MROH9: variants seen among roughly 807,000 people sequenced by gnomAD.
The protein encoded by MROH9 is maestro heat-like repeat-containing protein family member 9.
MROH9 carries 92 observed loss-of-function variants against 98.2 expected under a neutral mutation model. That is an observed-to-expected ratio of 0.94 (90% confidence interval 0.79 to 1.11). The LOEUF (loss-of-function observed/expected upper bound fraction) is 1.11, where lower values mean the gene tolerates loss of function less well. MROH9 is among the 50% of genes most tolerant of loss of function. The pLI is 0.00. For missense variants in MROH9, 1,057 were observed against 1,014.8 expected, an observed-to-expected ratio of 1.04 and a Z score of -0.57; for synonymous variants, 397 against 368.9, an observed-to-expected ratio of 1.08 and a Z score of -0.87.
chr1:171,048,100 C>T (rs1174010531), intron 20 of MROH9, among the ~76,000 whole-genome samples: 6 of 152,180 alleles, frequency 3.9e-5, no homozygotes, highest in African/African-American at 7.2e-5. Flanking sequence ...TGCACTGGGT[C>T]GACCTGAAGC....
At chr1:170,957,758 T>C (rs1460479590) in intron 3 of MROH9, among the ~76,000 whole-genome samples, 2 of 152,002 alleles carry the variant, frequency 1.3e-5, no homozygotes, top group African/African-American at 4.8e-5. Context: ...CATTCTTTAA[T>C]AAGGCCTGAC....
chr1:170,956,955 T>C (rs1480873076), intron 3 of MROH9, among the ~76,000 whole-genome samples: 3 of 151,994 alleles, frequency 2.0e-5, no homozygotes, highest in Non-Finnish European at 4.4e-5. Context: ...CTGCTTTTTG[T>C]ATGTATTTTT....
intron 20 of MROH9, among the ~76,000 whole-genome samples, chr1:171,052,379 A>G (rs1653696551): frequency 6.6e-6 from 1 of 152,136 alleles, no homozygotes; most frequent in Non-Finnish European, 1.5e-5. Flanking sequence ...ATGGGAATCC[A>G]GGGGGTAAAG....
intron 20 of MROH9, among the ~76,000 whole-genome samples, chr1:171,046,630 A>T (rs1557912669): frequency 6.6e-6 from 1 of 152,088 alleles, no homozygotes; most frequent in Non-Finnish European, 1.5e-5. Context: ...TGTCTTGAAA[A>T]GTTGTAGTTA....
chr1:170,950,948 C>T (rs372087446), intron 3 of MROH9, among the ~76,000 whole-genome samples: 6 of 151,992 alleles, frequency 3.9e-5, no homozygotes, highest in Admixed American at 2.6e-4. Context: ...TTTATATCAT[C>T]GAATTGGTTT....
At chr1:170,994,485 T>C (rs1204602105) in intron 12 of MROH9, among the ~76,000 whole-genome samples, 1 of 152,146 alleles carries the variant, frequency 6.6e-6, no homozygotes, top group African/African-American at 2.4e-5. Context: ...TTTTTGTGGG[T>C]ACAGAGTAGG....
intron 20 of MROH9, among the ~76,000 whole-genome samples, chr1:171,060,238 A>C (rs935961813): frequency 2.0e-5 from 3 of 152,230 alleles, no homozygotes; most frequent in African/African-American, 7.2e-5. Flanking sequence ...GAAATGTTGC[A>C]CAAAATGAAT....
chr1:171,037,596 CA>C (rs1264570626), intron 20 of MROH9, among the ~76,000 whole-genome samples: 1 of 151,846 alleles, frequency 6.6e-6, no homozygotes, highest in East Asian at 1.9e-4. Flanking sequence ...TTTTCTTCAA[CA>C]TTGCTTGCTG....
In MROH9 at chr1:171,024,773, G is replaced by C; in HGVS notation, c.2178+8G>C. On this transcript the variant is annotated splice_region_variant and intron_variant, in intron 19 of 21. Coordinates refer to ENST00000367759, the MANE Select transcript of MROH9 (RefSeq NM_001163629.2). ...AATATCTGTAACAATCTTGTAAGTG[G>C]CCCTTCCATTTTTACTACTATAAGA... 3.4e-6 allele frequency: 5 copies of C among 1,491,702 alleles called. No individual in the cohort carries two copies. The South Asian group carries it at 4.9e-5, about 14-fold the overall frequency. 92.4% of individuals were successfully genotyped at this position (1,491,702 alleles called of 1,614,324 possible). A position where few individuals can be genotyped will look rare whatever the true frequency, so the allele number is the denominator to read the frequency against.
At chr1:171,003,545 C>T (rs150364597) in intron 15 of MROH9, among the ~76,000 whole-genome samples, 356 of 152,290 alleles carry the variant, frequency 2.3e-3, no homozygotes, top group African/African-American at 8.0e-3. Context: ...AGTCTACCAG[C>T]CTCTGGGCTG....
intron 20 of MROH9, among the ~76,000 whole-genome samples, chr1:171,048,432 C>T (rs1201835318): frequency 6.6e-6 from 1 of 152,142 alleles, no homozygotes; most frequent in Admixed American, 6.5e-5. Flanking sequence ...CACGACCATC[C>T]CACGTCATGA....
intron 17 of MROH9, among the ~76,000 whole-genome samples, chr1:171,020,042 T>C (rs1652465735): frequency 6.6e-6 from 1 of 152,122 alleles, no homozygotes; most frequent in African/African-American, 2.4e-5. Flanking sequence ...CCTGGACGCA[T>C]ACACCCTCCC....
intron 7 of MROH9, among the ~76,000 whole-genome samples, chr1:170,970,957 A>G (rs1650434726): frequency 6.6e-6 from 1 of 152,224 alleles, no homozygotes; most frequent in Admixed American, 6.5e-5. Context: ...ACTATCTGCA[A>G]GTCATGCTGC....
At chr1:170,991,641 C>G (rs1421015492) in intron 11 of MROH9, among the ~76,000 whole-genome samples, 2 of 152,144 alleles carry the variant, frequency 1.3e-5, no homozygotes, top group Admixed American at 6.6e-5. Context: ...TTAATAGCAT[C>G]TGTGTCACTC....
At chr1:170,940,264 T>G (rs1649072657) in intron 1 of MROH9, among the ~76,000 whole-genome samples, 1 of 152,198 alleles carries the variant, frequency 6.6e-6, no homozygotes, top group Admixed American at 6.5e-5. Context: ...ATAGAAGGCC[T>G]CTGAATTTTT....
intron 10 of MROH9, among the ~76,000 whole-genome samples, chr1:170,988,587 G>T (rs1651236735): frequency 6.6e-6 from 1 of 151,990 alleles, no homozygotes; most frequent in Non-Finnish European, 1.5e-5. Flanking sequence ...GAACAAAATG[G>T]GCTCCTCAAT....
At chr1:171,008,840 A>G (rs533375338) in intron 15 of MROH9, among the ~76,000 whole-genome samples, 10 of 152,354 alleles carry the variant, frequency 6.6e-5, no homozygotes, top group African/African-American at 1.9e-4. Flanking sequence ...TTAAGTGAAA[A>G]TAAAACAAGC....
chr1:170,940,188 C>T (rs1325701208), intron 1 of MROH9, among the ~76,000 whole-genome samples: 1 of 152,154 alleles, frequency 6.6e-6, no homozygotes, highest in Non-Finnish European at 1.5e-5. Flanking sequence ...CAACAAGTTA[C>T]CTTTAACCTT....
In MROH9 at chr1:171,016,333, T is replaced by A; in HGVS notation, c.1905T>A (p.Asp635Glu). The change falls in exon 17 of 22, where the codon GAT becomes GAA. Residue 635 changes from aspartate (D) to glutamate (E), a missense_variant. Transcript: ENST00000367759. ...GTTCCAGCTACTGTACTCTGATGGA[T>A]CATGTGAGTTACACAGTTAGATATG... ...RIGSSYCTLM[D>E]HINGGIRSMA... 6.7e-7 allele frequency: 1 copy of A among 1,495,364 alleles called. No homozygotes were observed. Among genetic ancestry groups the A allele is most frequent in the Non-Finnish European group, 8.9e-7 (1 of 1,121,314 alleles). The allele number at this position is 1,495,364 out of a possible 1,614,324, so 92.6% of individuals were successfully genotyped here. A position where few individuals can be genotyped will look rare whatever the true frequency, so the allele number is the denominator to read the frequency against.
Sources: allele counts gnomAD v4.1 joint callset (sites outside exome capture counted in the v4.1 genomes callset), GRCh38; gene constraint gnomAD v4.1.1; transcripts MANE v1.5; gene names NCBI Gene and HGNC (gene_info 2026-07-23, HGNC 2026-07-21).